Variants in SPIDR observed in about 807,000 individuals in gnomAD.
SPIDR encodes scaffold protein involved in DNA repair.
SPIDR carries 93 observed loss-of-function variants against 104.6 expected under a neutral mutation model. The observed-to-expected ratio is 0.89, with a 90% CI of 0.75 to 1.06. SPIDR has a LOEUF of 1.06. Among genes scored for constraint, SPIDR ranks in the 50% least tolerant of loss-of-function variants. SPIDR has a pLI of 0.00. For missense variants in SPIDR, 1,154 were observed against 1,111.2 expected, an observed-to-expected ratio of 1.04 and a Z score of -0.55; for synonymous variants, 431 against 416.9, an observed-to-expected ratio of 1.03 and a Z score of -0.41.
At chr8:47,536,264 A>G (rs2086896161) in intron 8 of SPIDR, among the ~76,000 whole-genome samples, 1 of 152,158 alleles carries the variant, frequency 6.6e-6, no homozygotes, top group Non-Finnish European at 1.5e-5. Context: ...AAATGCCTAT[A>G]AGTTATTTCA....
At position 47,474,229 on chromosome 8, in the gene SPIDR, C is replaced by T. The variant is rs576196052; in HGVS notation, c.1097+33687C>T. On this transcript the variant is annotated intron_variant, in intron 8 of 19. Transcript: ENST00000297423. ...CTTTCTATATATTTGACCGTGAATC[C>T]TCAGCATATTGTGGAGTATAGTTCT... Among the ~76,000 whole-genome samples the T allele has an allele frequency of 2.0e-5, 3 of 152,226 alleles. No individual in the cohort carries two copies. The East Asian group carries it at 5.8e-4, about 29-fold the overall frequency.
intron 16 of SPIDR, among the ~76,000 whole-genome samples, chr8:47,715,789 C>T (rs1460062886): frequency 6.6e-6 from 1 of 152,094 alleles, no homozygotes; most frequent in Non-Finnish European, 1.5e-5. Context: ...ACGAATAAAG[C>T]TGCTATGAAT....
At chr8:47,440,013 C>T (rs1030734613) in intron 7 of SPIDR, among the ~76,000 whole-genome samples, 7 of 152,178 alleles carry the variant, frequency 4.6e-5, no homozygotes, top group African/African-American at 9.7e-5. Flanking sequence ...TGGAGTAAAA[C>T]GCATGCTCCT....
intron 8 of SPIDR, among the ~76,000 whole-genome samples, chr8:47,486,551 C>G (rs1036858394): frequency 5.3e-5 from 8 of 152,114 alleles, no homozygotes; most frequent in South Asian, 2.1e-4. Flanking sequence ...ATAATTGTCA[C>G]ATTCACCAAG....
rs1053342151 is a variant in SPIDR, at chr8:47,360,962, A to T, written c.526-35414A>T. Reference sequence around the variant, plus strand: ...TCTGGAGTGTATGGTGAGCATTCACATATTATTTCACACTTTTAAAAAATG... The same window carrying T: ...TCTGGAGTGTATGGTGAGCATTCACTTATTATTTCACACTTTTAAAAAATG... On this transcript the variant is annotated intron_variant, in intron 5 of 19. Coordinates refer to ENST00000297423, the MANE Select transcript of SPIDR (RefSeq NM_001080394.4). 3 of 985,070 alleles carry T rather than the reference A, an allele frequency of 3.0e-6. No individual in the cohort carries two copies. The African/African-American group carries it at 5.2e-5, about 17-fold the overall frequency. 61.0% of individuals were successfully genotyped at this position (985,070 alleles called of 1,614,324 possible).
intron 8 of SPIDR, among the ~76,000 whole-genome samples, chr8:47,458,154 A>G (rs2154351883): frequency 6.6e-6 from 1 of 152,098 alleles, no homozygotes; most frequent in East Asian, 1.9e-4. Context: ...ATTGCATTGC[A>G]TTTGTAGATT....
intron 5 of SPIDR, chr8:47,357,917 T>A (rs188280179): frequency 2.1e-6 from 2 of 962,874 alleles, no homozygotes; most frequent in East Asian, 2.3e-4. Context: ...TACTCACCTG[T>A]GATTTCAGCA....
chr8:47,281,921 A>T (rs2037863674), intron 2 of SPIDR, among the ~76,000 whole-genome samples: 1 of 152,234 alleles, frequency 6.6e-6, no homozygotes, highest in Admixed American at 6.5e-5. Flanking sequence ...AAATAATAAG[A>T]TTTGAAAGTC....
intron 10 of SPIDR, among the ~76,000 whole-genome samples, chr8:47,661,268 T>C (rs2154463454): frequency 6.6e-6 from 1 of 152,340 alleles, no homozygotes; most frequent in Middle Eastern, 3.4e-3. Flanking sequence ...TATTTTATCA[T>C]GGCTGTTCTA....
intron 8 of SPIDR, among the ~76,000 whole-genome samples, chr8:47,531,390 A>T (rs1300320849): frequency 6.6e-6 from 1 of 152,156 alleles, no homozygotes; most frequent in Non-Finnish European, 1.5e-5. Context: ...AAATATCCTG[A>T]AGGACCTGCC....
At chr8:47,553,415 C>T (rs912171503) in intron 8 of SPIDR, among the ~76,000 whole-genome samples, 1 of 152,130 alleles carries the variant, frequency 6.6e-6, no homozygotes, top group African/African-American at 2.4e-5. Flanking sequence ...TCACATAGTC[C>T]CATATTTTTT....
At chr8:47,311,039 T>A (rs1554584732) in intron 5 of SPIDR, among the ~76,000 whole-genome samples, 5 of 152,184 alleles carry the variant, frequency 3.3e-5, no homozygotes, top group Non-Finnish European at 2.9e-5. Context: ...AATTAGCAGC[T>A]GTTATAACTC....
At chr8:47,292,106 C>T (rs964554707) in intron 4 of SPIDR, among the ~76,000 whole-genome samples, 30 of 152,220 alleles carry the variant, frequency 2.0e-4, no homozygotes, top group Admixed American at 1.6e-3. Flanking sequence ...TAGTTGATAA[C>T]CACAGATGTT....
chr8:47,401,081 A>G (rs983125169), intron 6 of SPIDR, among the ~76,000 whole-genome samples: 5 of 152,190 alleles, frequency 3.3e-5, no homozygotes, highest in African/African-American at 7.2e-5. Context: ...AAGGGCAGCC[A>G]GAGAGAAAGG....
intron 9 of SPIDR, among the ~76,000 whole-genome samples, chr8:47,597,533 T>C (rs1437338545): frequency 1.3e-5 from 2 of 152,214 alleles, no homozygotes; most frequent in Non-Finnish European, 2.9e-5. Context: ...CGGTCAAACA[T>C]GCTGTCCATT....
chr8:47,325,098 C>G (rs574010199), intron 5 of SPIDR, among the ~76,000 whole-genome samples: 22 of 152,262 alleles, frequency 1.4e-4, no homozygotes, highest in South Asian at 4.1e-4. Context: ...GGACCTGAGA[C>G]TTTCAGTGTA....
rs951223564 is a variant in SPIDR at position 47,727,677 on chromosome 8, A to G, written c.2435+384A>G. 2.6e-5 allele frequency among the ~76,000 whole-genome samples: 4 copies of G among 152,234 alleles called. No individual in the cohort carries two copies. The South Asian group carries it at 8.3e-4, about 31-fold the overall frequency. ...CTTTTACAGTGAGCAGCTACTGGAC[A>G]GATGTCCCTGCCCACCCCACTATGC... On this transcript the variant is annotated intron_variant, in intron 17 of 19. Coordinates refer to ENST00000297423, the MANE Select transcript of SPIDR (RefSeq NM_001080394.4).
intron 19 of SPIDR, among the ~76,000 whole-genome samples, chr8:47,731,946 C>T (rs1354006988): frequency 2.0e-5 from 3 of 152,186 alleles, no homozygotes; most frequent in African/African-American, 4.8e-5. Context: ...GAACCAAAAC[C>T]CACAACCTCA....
intron 10 of SPIDR, among the ~76,000 whole-genome samples, chr8:47,648,854 A>AC (rs1171400075): frequency 6.6e-6 from 1 of 152,148 alleles, no homozygotes; most frequent in African/African-American, 2.4e-5. Context: ...ATTCAGTAAG[A>AC]CTCGATGAAA....
Sources: allele counts gnomAD v4.1 joint callset (sites outside exome capture counted in the v4.1 genomes callset), GRCh38; gene constraint gnomAD v4.1.1; transcripts MANE v1.5; gene names NCBI Gene and HGNC (gene_info 2026-07-23, HGNC 2026-07-21).